Variants in RBFOX1 observed in about 807,000 individuals in gnomAD.
RBFOX1 encodes the protein RNA binding fox-1 homolog 1.
RBFOX1 carries 8 observed loss-of-function variants against 57.7 expected under a neutral mutation model. The ratio of observed to expected loss-of-function variants is 0.14; its 90% confidence interval spans 0.08 to 0.25. The LOEUF (loss-of-function observed/expected upper bound fraction) is 0.25, where lower values mean the gene tolerates loss of function less well. Among genes scored for constraint, RBFOX1 ranks in the 10% least tolerant of loss-of-function variants. RBFOX1 has a pLI of 1.00. For missense variants in RBFOX1, 611 were observed against 548.5 expected (o/e 1.11, Z -1.14); for synonymous variants, 326 against 222.4 (o/e 1.47, Z -4.15).
intron 3 of RBFOX1, among the ~76,000 whole-genome samples, chr16:5,758,414 C>G (rs1036661454): frequency 6.6e-6 from 1 of 152,164 alleles, no homozygotes; most frequent in Non-Finnish European, 1.5e-5. Context: ...AAAAGCATCT[C>G]TTAGACTGGG....
chr16:7,090,278 T>G (rs1449903379), intron 4 of RBFOX1, among the ~76,000 whole-genome samples: 1 of 152,222 alleles, frequency 6.6e-6, no homozygotes, highest in Non-Finnish European at 1.5e-5. Context: ...TTTCTTAAAT[T>G]TGTAAAGTAA....
At chr16:7,695,889 C>T (rs910436310) in intron 14 of RBFOX1, among the ~76,000 whole-genome samples, 21 of 151,928 alleles carry the variant, frequency 1.4e-4, no homozygotes, top group African/African-American at 4.8e-4. Flanking sequence ...AACTGAAATT[C>T]TTATAAAGAG....
chr16:6,479,620 A>G (rs1193928259), intron 2 of RBFOX1, among the ~76,000 whole-genome samples: 4 of 152,046 alleles, frequency 2.6e-5, no homozygotes, highest in South Asian at 4.2e-4. Flanking sequence ...CCATGAAACC[A>G]TCAGATCTCA....
At chr16:6,924,130 C>T (rs534052228) in intron 3 of RBFOX1, among the ~76,000 whole-genome samples, 1 of 151,918 alleles carries the variant, frequency 6.6e-6, no homozygotes, top group Non-Finnish European at 1.5e-5. Context: ...GATTGTACCA[C>T]TGCACTCCAG....
downstream of RBFOX1, among the ~76,000 whole-genome samples, chr16:5,604,361 T>G (rs1342296183): frequency 6.6e-6 from 1 of 151,814 alleles, no homozygotes; most frequent in East Asian, 1.9e-4. Flanking sequence ...GAGCTGGGAG[T>G]TTCATCTGGA....
chr16:7,227,367 C>G (rs2093204077), intron 4 of RBFOX1, among the ~76,000 whole-genome samples: 1 of 147,660 alleles, frequency 6.8e-6, no homozygotes, highest in African/African-American at 2.4e-5. Flanking sequence ...TCTCACTTAG[C>G]TCACTGCATA....
At chr16:5,517,695 C>G (rs1458369689) in intron 2 of RBFOX1, among the ~76,000 whole-genome samples, 1 of 152,170 alleles carries the variant, frequency 6.6e-6, no homozygotes, top group Non-Finnish European at 1.5e-5. Flanking sequence ...AGGAACCATC[C>G]AGATCAGAAG....
intron 3 of RBFOX1, among the ~76,000 whole-genome samples, chr16:5,741,207 G>C (rs999279995): frequency 6.6e-6 from 1 of 152,080 alleles, no homozygotes; most frequent in Admixed American, 6.5e-5. Flanking sequence ...TCCTGCATCT[G>C]TCCTTGGGGC....
chr16:7,278,042 C>T (rs2095473867), intron 4 of RBFOX1, among the ~76,000 whole-genome samples: 1 of 151,904 alleles, frequency 6.6e-6, no homozygotes, highest in African/African-American at 2.4e-5. Flanking sequence ...CAGAATAATG[C>T]TAGCATTGCC....
At chr16:6,779,919 A>ATATATATTTATATATATTTATATATTTT (rs1567210156) in intron 3 of RBFOX1, among the ~76,000 whole-genome samples, 1 of 3,820 alleles carries the variant, frequency 2.6e-4, no homozygotes, top group Non-Finnish European at 4.7e-4. Context: ...TTATATATTT[A>ATATATATTTATATATATTTATATATTTT]TATATATTTA....
intron 3 of RBFOX1, among the ~76,000 whole-genome samples, chr16:5,836,589 A>C (rs1481376572): frequency 6.6e-6 from 1 of 152,016 alleles, no homozygotes; most frequent in African/African-American, 2.4e-5. Context: ...GCACATCTCA[A>C]ATCTCCATCT....
chr16:6,894,520 A>G lies in RBFOX1; in HGVS notation c.-15-157537A>G, dbSNP rs184839323. ...ATGTTTCTGTTCACACCTGCTCTCC[A>G]TCCCAACTAGAGGTACTCCCAAAGT... is the stretch of plus-strand genomic sequence containing the variant. On this transcript the variant is annotated intron_variant, in intron 3 of 15. Transcript: ENST00000550418. 1.9e-3 allele frequency among the ~76,000 whole-genome samples: 282 copies of G among 152,248 alleles called. 2 individuals carry two copies. Among genetic ancestry groups the G allele is most frequent in the South Asian group, 3.9e-3 (19 of 4,822 alleles).
At chr16:7,526,769 C>G (rs12934652) in intron 5 of RBFOX1, among the ~76,000 whole-genome samples, 79,533 of 152,180 alleles carry the variant, frequency 0.52, 25,071 homozygotes, top group Non-Finnish European at 0.72. Flanking sequence ...CTTGGCCCTC[C>G]CCACCACGTA....
At chr16:7,409,493 A>G (rs562009905) in intron 4 of RBFOX1, among the ~76,000 whole-genome samples, 62 of 152,338 alleles carry the variant, frequency 4.1e-4, no homozygotes, top group South Asian at 1.2e-3. Context: ...CCTGAACACA[A>G]TTCTATTAGA....
At chr16:5,597,973 C>G (rs767589671) in intron 2 of RBFOX1, among the ~76,000 whole-genome samples, 1 of 152,100 alleles carries the variant, frequency 6.6e-6, no homozygotes. Flanking sequence ...TCTTAATACC[C>G]TAGTAAGGAT....
At chr16:6,651,454 A>G (rs907887435) in intron 2 of RBFOX1, among the ~76,000 whole-genome samples, 6 of 152,002 alleles carry the variant, frequency 3.9e-5, no homozygotes, top group South Asian at 2.1e-4. Flanking sequence ...GTAGCCCCCA[A>G]ATTTTTCTCC....
At chr16:7,149,483 C>CTTT (rs60001454) in intron 4 of RBFOX1, among the ~76,000 whole-genome samples, 27 of 122,262 alleles carry the variant, frequency 2.2e-4, no homozygotes, top group Non-Finnish European at 3.7e-4. Flanking sequence ...TCTTTCTTTC[C>CTTT]TTTTTTTTTT....
At chr16:5,541,983 A>G (rs1271569067) in intron 2 of RBFOX1, among the ~76,000 whole-genome samples, 2 of 152,090 alleles carry the variant, frequency 1.3e-5, no homozygotes, top group Non-Finnish European at 1.5e-5. Flanking sequence ...ATTTTGGTGC[A>G]CCATCACCAG....
At chr16:5,856,237 ATGTGTATATATATGTATATATATG>A (rs1567631270) in intron 3 of RBFOX1, among the ~76,000 whole-genome samples, 2 of 53,310 alleles carry the variant, frequency 3.8e-5, no homozygotes, top group African/African-American at 1.3e-4. Flanking sequence ...ATGTATATAT[ATGTGTATATATATGTATATATATG>A]TATATATATA....
Sources: allele counts gnomAD v4.1 joint callset (sites outside exome capture counted in the v4.1 genomes callset), GRCh38; gene constraint gnomAD v4.1.1; transcripts MANE v1.5; gene names NCBI Gene and HGNC (gene_info 2026-07-23, HGNC 2026-07-21).